Variants in VPS13C observed in about 807,000 individuals in gnomAD.
VPS13C encodes vacuolar protein sorting 13 homolog C.
VPS13C carries 358 observed loss-of-function variants against 456.8 expected under a neutral mutation model. The observed-to-expected ratio is 0.78, with a 90% CI of 0.72 to 0.86. The LOEUF is 0.86. Ranked by LOEUF, VPS13C falls within the 40% of genes least tolerant of loss-of-function variation. The probability of loss-of-function intolerance (pLI) is 0.00; values close to 1 mark genes in which losing one functional copy is unlikely to be tolerated. For synonymous variants in VPS13C, 1,578 were observed against 1,486.7 expected (o/e 1.06, Z -1.41); for missense variants, 4,818 against 4,385.4 (o/e 1.10, Z -2.79).
chr15:61,961,795 C>A lies in VPS13C; in HGVS notation c.3702G>T (p.Gln1234His). ...RAATSVKDLA[Q>H]RSFRVSINID... ...TATTGATGGAAACACGAAAACTCCT[C>A]TGGGCAAGATCTTTCACACTTGTGG... Residue 1234 changes from glutamine to histidine, a missense_variant, in exon 35 of 85, where the codon CAG (glutamine) becomes CAT (histidine). Gln to His is a conservative substitution (Grantham distance 24). Around this residue, in one of 3 missense-constraint regions of VPS13C, gnomAD observed 4,552 missense variants for 4,130.6 expected, o/e 1.10. Coordinates refer to ENST00000644861, the MANE Select transcript of VPS13C (RefSeq NM_020821.3). The A allele has an allele frequency of 6.2e-7, 1 of 1,614,078 alleles. No homozygotes were observed. Among genetic ancestry groups the A allele is most frequent in the Non-Finnish European group, 8.5e-7 (1 of 1,179,960 alleles).
intron 15 of VPS13C, among the ~76,000 whole-genome samples, chr15:62,006,452 G>A (rs1209021602): frequency 6.6e-6 from 1 of 152,102 alleles, no homozygotes; most frequent in East Asian, 1.9e-4. Flanking sequence ...TTTTATGGCT[G>A]CATAGTATTC....
At chr15:61,963,784 G>A in intron 32 of VPS13C, 51 bp downstream of exon 32, 2 of 1,331,644 alleles carry the variant, frequency 1.5e-6, no homozygotes, top group Non-Finnish European at 2.2e-6. Flanking sequence ...GAGACAAAAA[G>A]AAGGAAAAGT....
At chr15:62,040,645 T>C (rs1354802108) in intron 3 of VPS13C, among the ~76,000 whole-genome samples, 2 of 151,848 alleles carry the variant, frequency 1.3e-5, no homozygotes, top group African/African-American at 4.8e-5. Context: ...GGAAACGCAA[T>C]CCCCACCATT....
intron 83 of VPS13C, among the ~76,000 whole-genome samples, chr15:61,855,445 T>C (rs1039426652): frequency 3.9e-5 from 6 of 152,170 alleles, no homozygotes; most frequent in African/African-American, 1.4e-4. Context: ...ATTCCTTAAA[T>C]TTTGACACTC....
intron 79 of VPS13C, among the ~76,000 whole-genome samples, chr15:61,870,007 C>T (rs749718260): frequency 6.6e-6 from 1 of 151,906 alleles, no homozygotes; most frequent in African/African-American, 2.4e-5. Context: ...TAATGCTGAC[C>T]GTTAGATTTT....
rs28442069 is a variant in VPS13C at position 61,951,941 on chromosome 15, T to G, written c.4339A>C (p.Arg1447=). 4.2e-4 allele frequency: 679 copies of G among 1,613,414 alleles called. 2 individuals carry two copies. In the African/African-American group the frequency reaches 7.3e-3, roughly 17 times the overall value. The change falls in exon 39 of 85, where the codon AGG becomes CGG. Residue 1447 remains arginine, a synonymous_variant. Coordinates refer to ENST00000644861, the MANE Select transcript of VPS13C (RefSeq NM_020821.3). ...AGGACATTTAGCTCATGTAAAGGCCTTCCTTTCTTTTCTGATTTTTTCATC... is the reference window on the plus strand; with the variant it reads ...AGGACATTTAGCTCATGTAAAGGCCGTCCTTTCTTTTCTGATTTTTTCATC... ...TLMKKSEKKG[R]PLHELNVLQL...
intron 1 of VPS13C, among the ~76,000 whole-genome samples, chr15:62,052,488 G>T (rs575057881): frequency 1.3e-5 from 2 of 151,706 alleles, no homozygotes; most frequent in African/African-American, 4.8e-5. Flanking sequence ...ATCCTGATAC[G>T]GTGAAACCCC....
chr15:61,991,276 G>T (rs1308990933), intron 17 of VPS13C, among the ~76,000 whole-genome samples, 182 bp from the exon 18 acceptor site: 1 of 152,056 alleles, frequency 6.6e-6, no homozygotes, highest in Non-Finnish European at 1.5e-5. Context: ...GCTTGCTAAG[G>T]TCAAGAAAAG....
Position 61,882,602 on chromosome 15 carries a change from C to A in VPS13C, c.9618G>T (p.Trp3206Cys). Residue 3206 changes from tryptophan (W) to cysteine (C), a missense_variant, in exon 69 of 85, where the codon TGG becomes TGT. Around this residue, in one of 3 missense-constraint regions of VPS13C, gnomAD observed 4,552 missense variants for 4,130.6 expected, o/e 1.10. Transcript: ENST00000644861. The part of the protein sequence containing the change: ...HQRSLRARLY[W>C]LQVDNQLPGA... ...TTGAGAATGACAATGTTACCTGAAGCCAGTACAACCTGGCCCTTAAACTTC... is the reference window on the plus strand; with the variant it reads ...TTGAGAATGACAATGTTACCTGAAGACAGTACAACCTGGCCCTTAAACTTC... 1 of 1,533,700 alleles carries A rather than the reference C, an allele frequency of 6.5e-7. No individual in the cohort carries two copies. The highest frequency in any genetic ancestry group is 8.7e-7 in the Non-Finnish European group (1 of 1,145,368).
chr15:61,938,904 C>G (rs1411406446), intron 47 of VPS13C, among the ~76,000 whole-genome samples: 1 of 152,174 alleles, frequency 6.6e-6, no homozygotes, highest in Non-Finnish European at 1.5e-5. Context: ...AGTTATCACA[C>G]TGCATCTCTT....
chr15:61,903,290 C>G (rs1294645170), intron 66 of VPS13C, among the ~76,000 whole-genome samples: 1 of 151,654 alleles, frequency 6.6e-6, no homozygotes, highest in Non-Finnish European at 1.5e-5. Context: ...GAACCATGAT[C>G]ACACCACTGC....
intron 45 of VPS13C, among the ~76,000 whole-genome samples, chr15:61,944,576 T>C (rs920857422): frequency 2.0e-5 from 3 of 152,090 alleles, no homozygotes; most frequent in African/African-American, 7.2e-5. Context: ...AAATGGGAGC[T>C]AAACACTGGG....
intron 1 of VPS13C, 75 bp from the exon 2 acceptor site, chr15:62,044,330 G>C: frequency 2.2e-6 from 2 of 917,846 alleles, no homozygotes; most frequent in Non-Finnish European, 3.2e-6. Context: ...GTAGTACCAA[G>C]CACTAAGAAA....
intron 15 of VPS13C, among the ~76,000 whole-genome samples, chr15:62,001,225 C>T (rs1021372205): frequency 2.0e-5 from 3 of 152,194 alleles, no homozygotes; most frequent in Non-Finnish European, 4.4e-5. Flanking sequence ...TACGAGAACA[C>T]TAGACCTGAG....
In VPS13C at chr15:61,875,995, C is replaced by T. The variant is rs1895397140; in HGVS notation, c.10225-150G>A. 8 of 577,504 alleles carry T rather than the reference C, an allele frequency of 1.4e-5. No homozygotes were observed. The East Asian group carries it at 2.4e-4, about 18-fold the overall frequency. 35.8% of individuals were successfully genotyped at this position (577,504 alleles called of 1,614,324 possible). The stretch of plus-strand genomic sequence containing the variant: ...ATCACCACTACCTCCACTAATGGAT[C>T]TTTTACTGTGTGCCAGGCACTATGC... On this transcript the variant is annotated intron_variant, in intron 75 of 84. Transcript: ENST00000644861.
intron 3 of VPS13C, among the ~76,000 whole-genome samples, chr15:62,039,804 C>T (rs889370726): frequency 2.0e-5 from 3 of 152,000 alleles, no homozygotes; most frequent in African/African-American, 7.2e-5. Flanking sequence ...TTTGGGGGTT[C>T]CTCAAAAAAC....
At chr15:62,004,915 T>C (rs1256938441) in intron 15 of VPS13C, among the ~76,000 whole-genome samples, 1 of 152,178 alleles carries the variant, frequency 6.6e-6, no homozygotes, top group East Asian at 1.9e-4. Context: ...TTCTTTTACA[T>C]TTGCTGAGGA....
At chr15:61,954,369 A>C in intron 38 of VPS13C, 52 bp downstream of exon 38, 1 of 1,564,798 alleles carries the variant, frequency 6.4e-7, no homozygotes, top group Middle Eastern at 1.7e-4. Flanking sequence ...GGTAATTCCA[A>C]TATCCATTAC....
At chr15:61,972,516 G>T in intron 27 of VPS13C, 109 bp downstream of exon 27, 1 of 1,202,704 alleles carries the variant, frequency 8.3e-7, no homozygotes, top group South Asian at 1.5e-5. Context: ...CAGCAGGAAA[G>T]ACAGAGTACC....
Sources: gnomAD v4.1 joint callset for allele counts (sites outside exome capture counted in the v4.1 genomes callset) on GRCh38, gnomAD v4.1.1 for gene constraint, gnomAD v4.1.1 regional missense constraint, MANE v1.5 for transcripts, NCBI Gene and HGNC (gene_info 2026-07-23, HGNC 2026-07-21) for gene names.